NKAIN2: variants seen among roughly 807,000 people sequenced by gnomAD.
NKAIN2 encodes sodium/potassium transporting ATPase interacting 2.
A neutral mutation model predicts 32.6 loss-of-function variants in NKAIN2; 14 were observed. That is an observed-to-expected ratio of 0.43 (90% CI 0.28 to 0.67). The LOEUF (loss-of-function observed/expected upper bound fraction) is 0.67. Among genes scored for constraint, NKAIN2 ranks in the 30% least tolerant of loss-of-function variants. NKAIN2 has a pLI of 0.17. For missense variants in NKAIN2, 198 were observed against 258.3 expected (o/e 0.77, Z 1.60); for synonymous variants, 80 against 87.2 (o/e 0.92, Z 0.46).
At chr6:124,445,928 T>A (rs1231370673) in intron 3 of NKAIN2, among the ~76,000 whole-genome samples, 3 of 152,270 alleles carry the variant, frequency 2.0e-5, no homozygotes, top group East Asian at 3.9e-4. Context: ...TAGTACATAT[T>A]TGTTTTGTAA....
chr6:124,246,670 C>A (rs1394168805), intron 1 of NKAIN2, among the ~76,000 whole-genome samples: 1 of 151,974 alleles, frequency 6.6e-6, no homozygotes, highest in Non-Finnish European at 1.5e-5. Context: ...AGCCTAACAC[C>A]ACAACCTATT....
Position 123,872,850 on chromosome 6 carries a change from A to G in NKAIN2, c.54+68596A>G, listed in dbSNP as rs983548488. Among the ~76,000 whole-genome samples the G allele has an allele frequency of 1.1e-4, 17 of 152,236 alleles. No homozygotes were observed. The South Asian group carries it at 3.5e-3, about 32-fold the overall frequency. On this transcript the variant is annotated intron_variant, in intron 1 of 6. Transcript: ENST00000368417. ...AAAGGTAAGTGTGATTGATTATGGA[A>G]CTCTAATATTTTTAGCTCTCCAGGA...
chr6:124,360,913 A>C (rs780632572), intron 3 of NKAIN2, among the ~76,000 whole-genome samples: 4 of 152,184 alleles, frequency 2.6e-5, no homozygotes, highest in Non-Finnish European at 4.4e-5. Context: ...TTTGGGCATC[A>C]AATGTGACAT....
chr6:124,096,913 A>T (rs1784669503), intron 1 of NKAIN2, among the ~76,000 whole-genome samples: 1 of 151,496 alleles, frequency 6.6e-6, no homozygotes, highest in South Asian at 2.1e-4. Flanking sequence ...TCGACTCTTC[A>T]CTCCAACACC....
rs572303828 is a variant in NKAIN2 at position 124,031,928 on chromosome 6, G to C, written c.54+227674G>C. ...CCCATTACCGGGTATATACCCAAAG[G>C]CTTATAAATCATGCTGCTATAAAGA... is the stretch of plus-strand genomic sequence containing the variant. On this transcript the variant is annotated intron_variant, in intron 1 of 6. Coordinates refer to ENST00000368417, the MANE Select transcript of NKAIN2 (RefSeq NM_001040214.3). Among the ~76,000 whole-genome samples, 15 of 152,132 alleles carry C rather than the reference G, an allele frequency of 9.9e-5. No individual in the cohort carries two copies. In the South Asian group the frequency reaches 3.1e-3, roughly 32 times the overall value.
chr6:124,476,037 AGT>A (rs202003671), intron 3 of NKAIN2, among the ~76,000 whole-genome samples: 36 of 142,712 alleles, frequency 2.5e-4, no homozygotes, highest in East Asian at 2.1e-3. Flanking sequence ...TGTGTGAGAG[AGT>A]GTGTGTGTGA....
intron 3 of NKAIN2, among the ~76,000 whole-genome samples, chr6:124,398,973 A>T (rs1304038288): frequency 6.6e-6 from 1 of 152,100 alleles, no homozygotes; most frequent in African/African-American, 2.4e-5. Flanking sequence ...CTTGCCCAGG[A>T]TGGAGTGGAG....
At chr6:124,153,371 TATA>T (rs1787828401) in intron 1 of NKAIN2, among the ~76,000 whole-genome samples, 1 of 151,878 alleles carries the variant, frequency 6.6e-6, no homozygotes. Context: ...GTTTGATTTC[TATA>T]ATAACAAAAA....
At chr6:124,632,750 C>A (rs1430119419) in intron 3 of NKAIN2, among the ~76,000 whole-genome samples, 1 of 152,052 alleles carries the variant, frequency 6.6e-6, no homozygotes, top group Non-Finnish European at 1.5e-5. Flanking sequence ...TATATTTGTC[C>A]CCACAAATTC....
At chr6:124,025,374 G>T (rs75712792) in intron 1 of NKAIN2, among the ~76,000 whole-genome samples, 6,081 of 151,854 alleles carry the variant, frequency 0.04, 409 homozygotes, top group African/African-American at 0.14. Context: ...CCCAGCTCTA[G>T]AGGAATGGTG....
intron 5 of NKAIN2, among the ~76,000 whole-genome samples, chr6:124,813,463 T>A (rs370481957): frequency 6.6e-6 from 1 of 152,130 alleles, no homozygotes; most frequent in Non-Finnish European, 1.5e-5. Context: ...TTTTGTTAAA[T>A]TAATAATTTA....
At chr6:124,079,599 T>C (rs1393156812) in intron 1 of NKAIN2, among the ~76,000 whole-genome samples, 2 of 152,102 alleles carry the variant, frequency 1.3e-5, no homozygotes, top group East Asian at 3.9e-4. Context: ...TTGAAGAAAT[T>C]AACAGTATTC....
At position 124,509,971 on chromosome 6, in the gene NKAIN2, C is replaced by T. The variant is rs576374203; in HGVS notation, c.274-148215C>T. The stretch of plus-strand genomic sequence containing the variant: ...TTCAGTCAGAAGAAATATTATCTAA[C>T]TGCTTACATATACACAAAGGGATGT... On this transcript the variant is annotated intron_variant, in intron 3 of 6. Coordinates refer to ENST00000368417, the MANE Select transcript of NKAIN2 (RefSeq NM_001040214.3). 1.7e-3 allele frequency among the ~76,000 whole-genome samples: 257 copies of T among 152,240 alleles called. 2 individuals are homozygous for T. Among genetic ancestry groups the T allele is most frequent in the African/African-American group, 6.0e-3 (250 of 41,538 alleles).
intron 4 of NKAIN2, among the ~76,000 whole-genome samples, chr6:124,692,453 A>AT (rs1021124436): frequency 2.6e-5 from 4 of 152,104 alleles, no homozygotes; most frequent in East Asian, 1.9e-4. Flanking sequence ...TAAGGTAGTT[A>AT]TTTTTTTCAC....
rs186430192 is a variant in NKAIN2, at chr6:123,929,296, C to G, written c.54+125042C>G. ...GAACAGGTCAGTTATAAATTGTTGC[C>G]ATGGCTTTTTGGATGGGTGTCCTGG... On this transcript the variant is annotated intron_variant, in intron 1 of 6. Coordinates refer to ENST00000368417, the MANE Select transcript of NKAIN2 (RefSeq NM_001040214.3). 1.2e-4 allele frequency among the ~76,000 whole-genome samples: 19 copies of G among 152,204 alleles called. No individual in the cohort carries two copies. The East Asian group carries it at 2.3e-3, about 19-fold the overall frequency.
At chr6:123,961,507 T>TGCAA (rs1318017333) in intron 1 of NKAIN2, among the ~76,000 whole-genome samples, 1 of 152,174 alleles carries the variant, frequency 6.6e-6, no homozygotes, top group Non-Finnish European at 1.5e-5. Flanking sequence ...TGTAGGCATA[T>TGCAA]GCAAATACAA....
intron 4 of NKAIN2, among the ~76,000 whole-genome samples, chr6:124,733,683 G>T (rs867602925): frequency 6.6e-6 from 1 of 151,686 alleles, no homozygotes; most frequent in Non-Finnish European, 1.5e-5. Context: ...GATCCATGGG[G>T]TAATGGATTA....
intron 3 of NKAIN2, among the ~76,000 whole-genome samples, chr6:124,489,056 G>A (rs1391717713): frequency 6.6e-6 from 1 of 151,960 alleles, no homozygotes; most frequent in African/African-American, 2.4e-5. Context: ...TAGAGCTACA[G>A]TGTATTCCAA....
chr6:124,596,714 T>A (rs1311625568), intron 3 of NKAIN2, among the ~76,000 whole-genome samples: 2 of 150,478 alleles, frequency 1.3e-5, no homozygotes, highest in East Asian at 3.9e-4. Flanking sequence ...GTGTGTGTAA[T>A]GTATATACAA....
Sources: allele counts gnomAD v4.1 joint callset (sites outside exome capture counted in the v4.1 genomes callset), GRCh38; gene constraint gnomAD v4.1.1; transcripts MANE v1.5; gene names NCBI Gene and HGNC (gene_info 2026-07-23, HGNC 2026-07-21).